Variants in GSE1 observed in about 807,000 individuals in gnomAD.
GSE1 encodes genetic suppressor element 1.
Under a neutral mutation model 112.6 loss-of-function variants are expected in GSE1, and 32 were observed. The ratio of observed to expected loss-of-function variants is 0.28; its 90% confidence interval spans 0.21 to 0.38. The LOEUF is 0.38. Ranked by LOEUF, GSE1 falls within the 10% of genes least tolerant of loss-of-function variation. GSE1 has a pLI of 1.00. For missense variants in GSE1, 2,348 were observed against 1,699.2 expected, an observed-to-expected ratio of 1.38 and a Z score of -6.71; for synonymous variants, 1,115 against 735.6, an observed-to-expected ratio of 1.52 and a Z score of -8.35.
At chr16:85,530,660 T>G (rs1319526661) in intron 2 of GSE1, among the ~76,000 whole-genome samples, 1 of 152,232 alleles carries the variant, frequency 6.6e-6, no homozygotes, top group African/African-American at 2.4e-5. Flanking sequence ...CATTAAAATT[T>G]GAAACACAAA....
At position 85,672,812 on chromosome 16, in the gene GSE1, T is replaced by TATTTC; in HGVS notation, c.*274_*278dup. The TATTTC allele has an allele frequency of 6.4e-6, 1 of 156,578 alleles. No individual in the cohort carries two copies. Among genetic ancestry groups the TATTTC allele is most frequent in the Non-Finnish European group, 1.4e-5 (1 of 69,694 alleles). The allele number at this position is 156,578 out of a possible 1,614,324, so 9.7% of individuals were successfully genotyped here. On this transcript the variant is annotated 3_prime_UTR_variant, in exon 16 of 16. Transcript: ENST00000253458. ...GGTTTTCGCCCTTCCTCTCCCACAT[T>TATTTC]ATTTCTTAATCTGAACATGAAGGCT... is the stretch of plus-strand genomic sequence containing the variant.
At chr16:85,404,586 C>A (rs2048223590) in intron 2 of GSE1, among the ~76,000 whole-genome samples, 1 of 79,232 alleles carries the variant, frequency 1.3e-5, no homozygotes. Flanking sequence ...CTCACTGTTA[C>A]ACTCAGGCCC....
At position 85,343,780 on chromosome 16, in the gene GSE1, T is replaced by A. The variant is rs116770782; in HGVS notation, c.2284-13683T>A. 5.3e-3 allele frequency among the ~76,000 whole-genome samples: 812 copies of A among 151,954 alleles called. 10 individuals are homozygous for A. Among genetic ancestry groups the A allele is most frequent in the African/African-American group, 0.018 (757 of 41,442 alleles). On this transcript the variant is annotated intron_variant, in intron 1 of 2. Transcript: ENST00000637419. The stretch of plus-strand genomic sequence containing the variant: ...AGTTGAAATTTTAAAAAGGCAAAAA[T>A]CAAAATGATGTCTCTTCAGCTCGGA...
chr16:85,637,061 T>A (rs1023673640), intron 2 of GSE1, among the ~76,000 whole-genome samples: 3 of 152,252 alleles, frequency 2.0e-5, no homozygotes, highest in Non-Finnish European at 4.4e-5. Flanking sequence ...GCCATAAAAT[T>A]CACCCTGTAG....
intron 13 of GSE1, 29 bp from the exon 14 acceptor site, chr16:85,668,111 C>T: frequency 1.3e-6 from 2 of 1,526,224 alleles, no homozygotes; most frequent in Non-Finnish European, 1.8e-6. Context: ...TCCCCCAACA[C>T]ACTGATGCAA....
intron 3 of GSE1, among the ~76,000 whole-genome samples, chr16:85,653,777 C>T (rs967964253): frequency 6.6e-6 from 1 of 152,114 alleles, no homozygotes; most frequent in Non-Finnish European, 1.5e-5. Context: ...CTGCCCTCCA[C>T]GTGGGCACCA....
upstream of GSE1, among the ~76,000 whole-genome samples, chr16:85,612,822 A>G (rs1260971934): frequency 6.6e-6 from 1 of 152,124 alleles, no homozygotes; most frequent in Non-Finnish European, 1.5e-5. Flanking sequence ...CCGTCCGCCC[A>G]TTATTGGGCC....
intron 2 of GSE1, among the ~76,000 whole-genome samples, chr16:85,431,241 G>A (rs1452689507): frequency 6.6e-6 from 1 of 152,202 alleles, no homozygotes; most frequent in Non-Finnish European, 1.5e-5. Flanking sequence ...GGAAGCCCCT[G>A]GGGTGAATGT....
intron 2 of GSE1, among the ~76,000 whole-genome samples, chr16:85,539,296 G>A (rs1477290994): frequency 2.0e-5 from 3 of 152,292 alleles, no homozygotes; most frequent in South Asian, 2.1e-4. Flanking sequence ...CATGTTTCCC[G>A]GCTCCAGCCA....
At chr16:85,262,228 A>T (rs1481006925) in intron 1 of GSE1, among the ~76,000 whole-genome samples, 1 of 152,352 alleles carries the variant, frequency 6.6e-6, no homozygotes, top group South Asian at 2.1e-4. Flanking sequence ...CTTTCCTCAG[A>T]GAGTGTCAGA....
chr16:85,402,583 C>T (rs141880059), intron 2 of GSE1, among the ~76,000 whole-genome samples: 142 of 152,228 alleles, frequency 9.3e-4, no homozygotes, highest in Non-Finnish European at 1.7e-3. Flanking sequence ...GAGAGCTTGT[C>T]GGGAGCGCGG....
rs906309537 is a variant in GSE1, at chr16:85,373,648, C to T, written c.2464+16005C>T. 6.6e-6 allele frequency among the ~76,000 whole-genome samples: 1 copy of T among 152,136 alleles called. No homozygotes were observed. Among genetic ancestry groups the T allele is most frequent in the Non-Finnish European group, 1.5e-5 (1 of 68,024 alleles). ...AGGGCCACAGGTATGCTGGCCACGGCCTGGAAGAGTCCGCTCAGAGCAGGT... is the reference window on the plus strand; with the variant it reads ...AGGGCCACAGGTATGCTGGCCACGGTCTGGAAGAGTCCGCTCAGAGCAGGT... On this transcript the variant is annotated intron_variant, in intron 2 of 2. Coordinates refer to the GSE1 transcript ENST00000637419. The surrounding 1 kb of genome is among the most constrained non-coding windows in gnomAD (Gnocchi z 5.1).
intron 2 of GSE1, among the ~76,000 whole-genome samples, chr16:85,440,314 G>C (rs967983425): frequency 6.6e-6 from 1 of 152,220 alleles, no homozygotes; most frequent in Non-Finnish European, 1.5e-5. Context: ...ACTTGCTCTA[G>C]CAAATCACAA....
chr16:85,349,955 C>T (rs1014163288), intron 1 of GSE1, among the ~76,000 whole-genome samples: 2 of 152,192 alleles, frequency 1.3e-5, no homozygotes, highest in Non-Finnish European at 2.9e-5. Flanking sequence ...ACCTACTGTG[C>T]CCTGGACACT....
chr16:85,501,785 G>T (rs7499121), intron 2 of GSE1, among the ~76,000 whole-genome samples: 2,834 of 152,320 alleles, frequency 0.019, 93 homozygotes, highest in African/African-American at 0.065. Context: ...TGCCCACAGA[G>T]GCTGCCCCTT....
chr16:85,341,005 A>G (rs1020413666), intron 1 of GSE1, among the ~76,000 whole-genome samples: 1 of 152,248 alleles, frequency 6.6e-6, no homozygotes, highest in Non-Finnish European at 1.5e-5. Flanking sequence ...GAGTTAAAAT[A>G]TGTGGAAAGT....
In GSE1 at chr16:85,386,362, G is replaced by A. The variant is rs528185811; in HGVS notation, c.2464+28719G>A. 3.5e-4 allele frequency among the ~76,000 whole-genome samples: 54 copies of A among 152,342 alleles called. No individual in the cohort carries two copies. The South Asian group carries it at 3.7e-3, about 11-fold the overall frequency. ...TCATGCCATCTTACTGTGCAAATGA[G>A]TAAGTCTCTTGCCCCATCTTACCTC... is the stretch of plus-strand genomic sequence containing the variant. On this transcript the variant is annotated intron_variant, in intron 2 of 2. Coordinates refer to the GSE1 transcript ENST00000637419.
chr16:85,379,559 A>T (rs1476321119), intron 2 of GSE1, among the ~76,000 whole-genome samples: 5 of 151,946 alleles, frequency 3.3e-5, no homozygotes, highest in South Asian at 4.2e-4. Flanking sequence ...GTCTCCTGGG[A>T]CCCCTGGGTT....
intron 2 of GSE1, among the ~76,000 whole-genome samples, chr16:85,397,745 T>G (rs1222908160): frequency 6.6e-6 from 1 of 152,202 alleles, no homozygotes; most frequent in East Asian, 1.9e-4. Flanking sequence ...TGGGGACTGG[T>G]GGCCCTGGGC....
Sources: allele counts gnomAD v4.1 joint callset (sites outside exome capture counted in the v4.1 genomes callset), GRCh38; gene constraint gnomAD v4.1.1; non-coding constraint Gnocchi (gnomAD v3.1); transcripts MANE v1.5; gene names NCBI Gene and HGNC (gene_info 2026-07-23, HGNC 2026-07-21).